The following PDE4D variants were observed in gnomAD, a reference collection of about 807,000 sequenced individuals.
The protein encoded by PDE4D is 3',5'-cyclic-AMP phosphodiesterase 4D.
PDE4D carries 24 observed loss-of-function variants against 87.4 expected under a neutral mutation model. That is an observed-to-expected ratio of 0.27 (90% CI 0.20 to 0.39). PDE4D has a LOEUF of 0.39. Among genes scored for constraint, PDE4D ranks in the 10% least tolerant of loss-of-function variants. The pLI, the probability that PDE4D is intolerant of heterozygous loss-of-function variation, is 1.00. For synonymous variants in PDE4D, 384 were observed against 383.2 expected, an observed-to-expected ratio of 1.00 and a Z score of -0.02; for missense variants, 714 against 1,041.0, an observed-to-expected ratio of 0.69 and a Z score of 4.32.
chr5:59,155,131 C>A (rs1449485511), intron 5 of PDE4D, among the ~76,000 whole-genome samples: 1 of 151,882 alleles, frequency 6.6e-6, no homozygotes, highest in Non-Finnish European at 1.5e-5. Context: ...GTTTTGGGAC[C>A]CACTTTCATA....
intron 1 of PDE4D, among the ~76,000 whole-genome samples, chr5:60,297,327 CA>C (rs1479845840): frequency 1.3e-5 from 2 of 151,972 alleles, no homozygotes; most frequent in African/African-American, 4.8e-5. Context: ...TAGGCAAAAA[CA>C]GAAATATAAA....
chr5:59,689,053 G>T (rs1420370743), intron 1 of PDE4D, among the ~76,000 whole-genome samples: 1 of 152,092 alleles, frequency 6.6e-6, no homozygotes, highest in Non-Finnish European at 1.5e-5. Flanking sequence ...ACCAATAACA[G>T]GCTCTGAAAT....
intron 1 of PDE4D, among the ~76,000 whole-genome samples, chr5:60,291,691 TA>T (rs1007735704): frequency 2.7e-5 from 4 of 148,620 alleles, no homozygotes; most frequent in Admixed American, 6.7e-5. Context: ...AAAACAAAAT[TA>T]AAAAAAAAAC....
chr5:59,516,149 A>C (rs1277752261), intron 1 of PDE4D, among the ~76,000 whole-genome samples: 1 of 152,186 alleles, frequency 6.6e-6, no homozygotes, highest in Non-Finnish European at 1.5e-5. Flanking sequence ...TTGACCTCTA[A>C]ACCAGCCCAA....
Position 59,215,683 on chromosome 5 carries a change from T to C in PDE4D, c.647+94A>G, listed in dbSNP as rs577959120. On this transcript the variant is annotated intron_variant, in intron 2 of 14. Coordinates refer to ENST00000340635, the MANE Select transcript of PDE4D (RefSeq NM_001104631.2). Reference sequence around the variant, plus strand: ...TTCTTTCTACATTGGAGGAGAGTGATACAGTTGAACAAAAGTCATTAGTTT... The same window carrying C: ...TTCTTTCTACATTGGAGGAGAGTGACACAGTTGAACAAAAGTCATTAGTTT... 8 of 1,030,964 alleles carry C rather than the reference T, an allele frequency of 7.8e-6. No individual in the cohort carries two copies. In the South Asian group the frequency reaches 9.5e-5, roughly 12 times the overall value. 63.9% of individuals were successfully genotyped at this position (1,030,964 alleles called of 1,614,324 possible).
chr5:59,593,828 A>G (rs951258898), intron 1 of PDE4D, among the ~76,000 whole-genome samples: 1 of 152,146 alleles, frequency 6.6e-6, no homozygotes, highest in Admixed American at 6.6e-5. Flanking sequence ...GGTCCCCACA[A>G]TTCTGTGTGT....
intron 1 of PDE4D, among the ~76,000 whole-genome samples, chr5:60,516,679 G>A (rs557222614): frequency 1.3e-5 from 2 of 152,180 alleles, no homozygotes; most frequent in Non-Finnish European, 2.9e-5. Flanking sequence ...ACAATAATGA[G>A]AATTAATATT....
intron 5 of PDE4D, among the ~76,000 whole-genome samples, chr5:59,097,334 G>A (rs1044445144): frequency 2.6e-5 from 4 of 152,170 alleles, no homozygotes; most frequent in African/African-American, 7.2e-5. Context: ...TCTTCCTGAC[G>A]ATAGTTATTG....
chr5:59,225,846 A>G (rs1277977225), intron 1 of PDE4D, among the ~76,000 whole-genome samples: 2 of 151,988 alleles, frequency 1.3e-5, no homozygotes, highest in Admixed American at 6.6e-5. Context: ...AAAAAACCCA[A>G]TGAAAGAAAT....
At chr5:59,781,878 G>A (rs1030733708) in intron 1 of PDE4D, among the ~76,000 whole-genome samples, 1 of 148,280 alleles carries the variant, frequency 6.7e-6, no homozygotes, top group Non-Finnish European at 1.5e-5. Context: ...CTGGACTAAA[G>A]CTGATTTTAA....
chr5:59,009,667 T>A (rs1752376000), intron 6 of PDE4D, among the ~76,000 whole-genome samples: 1 of 152,084 alleles, frequency 6.6e-6, no homozygotes, highest in South Asian at 2.1e-4. Flanking sequence ...ATATATATTA[T>A]AATTACACAT....
At chr5:60,127,832 T>G (rs1303056805) in intron 2 of PDE4D, among the ~76,000 whole-genome samples, 1 of 152,116 alleles carries the variant, frequency 6.6e-6, no homozygotes, top group East Asian at 1.9e-4. Context: ...TGGCGAGTCC[T>G]TAGTATATAA....
chr5:60,456,313 C>T lies in PDE4D; in HGVS notation c.-90+31629G>A, dbSNP rs1746464979. On this transcript the variant is annotated intron_variant, in intron 1 of 16. Coordinates refer to the PDE4D transcript ENST00000502484. The stretch of plus-strand genomic sequence containing the variant: ...GCACAGTGGAGGAAGACCAGTAGGG[C>T]CCTCTAAAGCAAGTGACACGAGGCA... 2.6e-5 allele frequency among the ~76,000 whole-genome samples: 4 copies of T among 152,174 alleles called. No individual in the cohort carries two copies. The South Asian group carries it at 8.3e-4, about 32-fold the overall frequency.
At chr5:60,385,467 C>T (rs2150014740) in intron 1 of PDE4D, among the ~76,000 whole-genome samples, 1 of 152,316 alleles carries the variant, frequency 6.6e-6, no homozygotes, top group South Asian at 2.1e-4. Flanking sequence ...GTCTTGCAAA[C>T]TTGTAGTCTC....
At chr5:59,108,999 GT>G (rs1212701818) in intron 5 of PDE4D, among the ~76,000 whole-genome samples, 6 of 150,040 alleles carry the variant, frequency 4.0e-5, no homozygotes, top group African/African-American at 1.5e-4. Context: ...GTGTGTGTGT[GT>G]GTGGTGTAGG....
intron 3 of PDE4D, among the ~76,000 whole-genome samples, chr5:59,908,730 C>G (rs370594231): frequency 5.3e-5 from 8 of 152,254 alleles, no homozygotes; most frequent in African/African-American, 1.9e-4. Context: ...GAGTTGGTCT[C>G]TCAGCTAAAT....
At chr5:60,221,980 A>G (rs941281581) in intron 1 of PDE4D, among the ~76,000 whole-genome samples, 6 of 152,058 alleles carry the variant, frequency 3.9e-5, no homozygotes, top group African/African-American at 1.4e-4. Flanking sequence ...GACTCCAAAA[A>G]CAGCATGCAA....
At chr5:60,382,843 G>A (rs1180559556) in intron 1 of PDE4D, among the ~76,000 whole-genome samples, 1 of 152,212 alleles carries the variant, frequency 6.6e-6, no homozygotes, top group Non-Finnish European at 1.5e-5. Context: ...CGCTAGGGAA[G>A]TCAGTTCTAC....
intron 1 of PDE4D, among the ~76,000 whole-genome samples, chr5:59,301,847 C>A (rs376407373): frequency 3.9e-5 from 6 of 152,056 alleles, no homozygotes; most frequent in Non-Finnish European, 8.8e-5. Context: ...TTGGGAATGA[C>A]AGATGGTCAT....
Sources: allele counts gnomAD v4.1 joint callset (sites outside exome capture counted in the v4.1 genomes callset), GRCh38; gene constraint gnomAD v4.1.1; transcripts MANE v1.5; gene names NCBI Gene and HGNC (gene_info 2026-07-23, HGNC 2026-07-21).